EED: variants seen among roughly 807,000 people sequenced by gnomAD.
EED encodes polycomb protein EED.
EED carries 9 observed loss-of-function variants against 61.0 expected under a neutral mutation model. The ratio of observed to expected loss-of-function variants is 0.15; its 90% confidence interval spans 0.09 to 0.26. EED has a LOEUF of 0.26. Among genes scored for constraint, EED ranks in the 10% least tolerant of loss-of-function variants. The pLI, the probability that EED is intolerant of heterozygous loss-of-function variation, is 1.00. For missense variants in EED, 315 were observed against 542.3 expected, an observed-to-expected ratio of 0.58 and a Z score of 4.16; for synonymous variants, 187 against 174.4, an observed-to-expected ratio of 1.07 and a Z score of -0.57.
chr11:86,275,093 T>C (rs139809645), intron 9 of EED, among the ~76,000 whole-genome samples: 125 of 152,296 alleles, frequency 8.2e-4, no homozygotes, highest in African/African-American at 2.8e-3. Flanking sequence ...TTCTCTCTTA[T>C]CTAGTCTGGA....
intron 2 of EED, among the ~76,000 whole-genome samples, chr11:86,251,259 C>T (rs1302762771): frequency 1.3e-5 from 2 of 152,118 alleles, no homozygotes; most frequent in African/African-American, 4.8e-5. Context: ...AGATTTTGCT[C>T]CTGTAAAAGG....
In EED at chr11:86,278,714, T is replaced by A; in HGVS notation, c.*189T>A. On this transcript the variant is annotated 3_prime_UTR_variant, in exon 12 of 12. Transcript: ENST00000263360. ...TGTCTTCCTGCTCAGACTCTACTGC[T>A]TTTAATAAAAATTTATTTTTGTAAA... 1 of 634,598 alleles carries A rather than the reference T, an allele frequency of 1.6e-6. No homozygotes were observed. Among genetic ancestry groups the A allele is most frequent in the Non-Finnish European group, 2.3e-6 (1 of 441,522 alleles). 39.3% of individuals were successfully genotyped at this position (634,598 alleles called of 1,614,324 possible). A position where few individuals can be genotyped will look rare whatever the true frequency, so the allele number is the denominator to read the frequency against.
chr11:86,270,599 T>C (rs1946092602), intron 9 of EED, among the ~76,000 whole-genome samples: 1 of 152,212 alleles, frequency 6.6e-6, no homozygotes, highest in Non-Finnish European at 1.5e-5. Context: ...CTTACCAAGC[T>C]ATAGACCTTA....
intron 6 of EED, among the ~76,000 whole-genome samples, chr11:86,259,838 G>T (rs975034210): frequency 6.6e-6 from 1 of 152,166 alleles, no homozygotes; most frequent in African/African-American, 2.4e-5. Flanking sequence ...TAATAAAAAC[G>T]TTAGATACTA....
At chr11:86,268,352 C>T (rs1445968309) in intron 8 of EED, 104 bp from the exon 9 acceptor site, 1 of 686,000 alleles carries the variant, frequency 1.5e-6, no homozygotes, top group Non-Finnish European at 2.4e-6. Flanking sequence ...AATTAATAGT[C>T]TTACATTTTG....
intron 11 of EED, 31 bp from the exon 12 acceptor site, chr11:86,278,368 T>G: frequency 6.2e-7 from 1 of 1,607,922 alleles, no homozygotes; most frequent in Non-Finnish European, 8.5e-7. Context: ...TTATGTGTGG[T>G]CTTTAACCTG....
downstream of EED, among the ~76,000 whole-genome samples, chr11:86,282,680 C>T (rs1369168618): frequency 6.6e-6 from 1 of 152,178 alleles, no homozygotes; most frequent in Non-Finnish European, 1.5e-5. Context: ...TATATTATCT[C>T]TGCAGATCAG....
At chr11:86,282,552 C>T (rs1464341422), downstream of EED, among the ~76,000 whole-genome samples, 2 of 152,096 alleles carry the variant, frequency 1.3e-5, no homozygotes, top group Non-Finnish European at 2.9e-5. Flanking sequence ...TTGTGTAACT[C>T]TCAGGCTCAT....
intron 1 of EED, among the ~76,000 whole-genome samples, chr11:86,249,802 A>G (rs147236774): frequency 2.0e-5 from 3 of 152,372 alleles, no homozygotes; most frequent in African/African-American, 7.2e-5. Flanking sequence ...CATCTAATGT[A>G]GAAGCCATTA....
chr11:86,245,164 T>G lies in EED; in HGVS notation c.-66T>G. On this transcript the variant is annotated 5_prime_UTR_variant, in exon 1 of 12. Coordinates refer to ENST00000263360, the MANE Select transcript of EED (RefSeq NM_003797.5). The stretch of plus-strand genomic sequence containing the variant: ...CTTTGCGGCAAGCTCGGGCCGGGCT[T>G]GCTTGACGGCGGTGTGGCGGAGGCC... The G allele has an allele frequency of 7.2e-7, 1 of 1,382,754 alleles. No homozygotes were observed. Among genetic ancestry groups the G allele is most frequent in the South Asian group, 1.2e-5 (1 of 83,694 alleles). The allele number at this position is 1,382,754 out of a possible 1,614,324, so 85.7% of individuals were successfully genotyped here. A position where few individuals can be genotyped will look rare whatever the true frequency, so the allele number is the denominator to read the frequency against.
chr11:86,262,827 C>T (rs71465623), intron 6 of EED, among the ~76,000 whole-genome samples: 59,017 of 141,956 alleles, frequency 0.42, 11,992 homozygotes, highest in East Asian at 0.51. Context: ...TTTTTTTTTT[C>T]TTTTAAAGAC....
At chr11:86,262,813 C>CTT (rs34817049) in intron 6 of EED, among the ~76,000 whole-genome samples, 19,434 of 138,370 alleles carry the variant, frequency 0.14, 1,542 homozygotes, top group East Asian at 0.23. Context: ...CCTGGCCTGG[C>CTT]TTTTTTTTTT....
chr11:86,245,790 T>C (rs1432533206), intron 1 of EED, among the ~76,000 whole-genome samples: 5 of 152,232 alleles, frequency 3.3e-5, no homozygotes, highest in East Asian at 3.9e-4. Context: ...GGATGGAAAG[T>C]GATCTTCGAT....
At chr11:86,267,012 A>ACTTATT (rs1945996570) in intron 8 of EED, among the ~76,000 whole-genome samples, 1 of 152,160 alleles carries the variant, frequency 6.6e-6, no homozygotes. Context: ...GTCCTCTAAG[A>ACTTATT]ATTATTAAAA....
chr11:86,273,169 A>G (rs1378593619), intron 9 of EED, among the ~76,000 whole-genome samples: 1 of 152,186 alleles, frequency 6.6e-6, no homozygotes, highest in African/African-American at 2.4e-5. Context: ...GACTAGAGGC[A>G]TGCACCACTA....
chr11:86,269,655 CTG>C (rs1227335628), intron 9 of EED, among the ~76,000 whole-genome samples: 1 of 152,130 alleles, frequency 6.6e-6, no homozygotes, highest in African/African-American at 2.4e-5. Context: ...TATTATATAA[CTG>C]TAATACAATA....
chr11:86,247,581 A>G (rs1408088783), intron 1 of EED, among the ~76,000 whole-genome samples: 1 of 152,240 alleles, frequency 6.6e-6, no homozygotes, highest in Non-Finnish European at 1.5e-5. Flanking sequence ...AGATAATAAT[A>G]GAAGGAAGTG....
intron 4 of EED, among the ~76,000 whole-genome samples, chr11:86,255,822 G>A (rs1267035798): frequency 6.6e-6 from 1 of 152,090 alleles, no homozygotes; most frequent in African/African-American, 2.4e-5. Flanking sequence ...TGAAAAGCCC[G>A]AGTTAGAGCG....
chr11:86,255,164 GGAGA>G, intron 3 of EED, 54 bp from the exon 4 acceptor site: 1 of 1,327,478 alleles, frequency 7.5e-7, no homozygotes, highest in Non-Finnish European at 1.1e-6. Context: ...TTTAAAAGTT[GGAGA>G]GAGTATGTTT....
Sources: allele counts gnomAD v4.1 joint callset (sites outside exome capture counted in the v4.1 genomes callset), GRCh38; gene constraint gnomAD v4.1.1; transcripts MANE v1.5; gene names NCBI Gene and HGNC (gene_info 2026-07-23, HGNC 2026-07-21).